The following MAPKAPK2 variants were observed in gnomAD, a reference collection of about 807,000 sequenced individuals.
MAPKAPK2 encodes MAP kinase-activated protein kinase 2.
Under a neutral mutation model 48.8 loss-of-function variants are expected in MAPKAPK2, and 9 were observed. The ratio of observed to expected loss-of-function variants is 0.18; its 90% CI spans 0.11 to 0.32. The LOEUF is 0.32. Among genes scored for constraint, MAPKAPK2 ranks in the 10% least tolerant of loss-of-function variants. MAPKAPK2 has a pLI of 1.00. For synonymous variants in MAPKAPK2, 202 were observed against 190.6 expected (o/e 1.06, Z -0.49); for missense variants, 331 against 498.3 (o/e 0.66, Z 3.20).
chr1:206,724,451 C>G (rs1673642189), intron 1 of MAPKAPK2, among the ~76,000 whole-genome samples: 1 of 152,152 alleles, frequency 6.6e-6, no homozygotes, highest in African/African-American at 2.4e-5. Context: ...GCCAGCCTGC[C>G]TCGCCCATCT....
At chr1:206,720,352 T>TTTTTG (rs549265514) in intron 1 of MAPKAPK2, among the ~76,000 whole-genome samples, 18 of 152,232 alleles carry the variant, frequency 1.2e-4, no homozygotes, top group African/African-American at 2.6e-4. Flanking sequence ...GCCTTTATTG[T>TTTTTG]TTTTGTTTTG....
rs2102366614 is a variant in MAPKAPK2, at chr1:206,685,331, G to C, written c.102G>C (p.Gln34His). 3 of 1,136,952 alleles carry C rather than the reference G, an allele frequency of 2.6e-6. No individual in the cohort carries two copies. Among genetic ancestry groups the C allele is most frequent in the Non-Finnish European group, 3.5e-6 (3 of 865,208 alleles). The allele number at this position is 1,136,952 out of a possible 1,614,324, so 70.4% of individuals were successfully genotyped here. A position where few individuals can be genotyped will look rare whatever the true frequency, so the allele number is the denominator to read the frequency against. ...PTPALPHPPA[Q>H]PPPPPPQQFP... Reference sequence around the variant, plus strand: ...CTGCCCTGCCGCACCCCCCGGCGCAGCCGCCGCCGCCGCCCCCGCAGCAGT... The same window carrying C: ...CTGCCCTGCCGCACCCCCCGGCGCACCCGCCGCCGCCGCCCCCGCAGCAGT... The change falls in exon 1 of 10, where the codon CAG (glutamine) becomes CAC (histidine). Residue 34 changes from glutamine to histidine, a missense_variant. By Grantham distance (24) the Gln-to-His change is conservative (BLOSUM62 0). Coordinates refer to ENST00000367103, the MANE Select transcript of MAPKAPK2 (RefSeq NM_032960.4).
intron 1 of MAPKAPK2, among the ~76,000 whole-genome samples, chr1:206,692,483 G>A (rs1672491974): frequency 6.6e-6 from 1 of 152,226 alleles, no homozygotes; most frequent in Non-Finnish European, 1.5e-5. Context: ...TTTCAGCCCC[G>A]GAGGTTTAGA....
At chr1:206,694,492 G>C (rs1440560047) in intron 1 of MAPKAPK2, among the ~76,000 whole-genome samples, 1 of 152,138 alleles carries the variant, frequency 6.6e-6, no homozygotes, top group African/African-American at 2.4e-5. Flanking sequence ...CCTGTCCTCA[G>C]AATAGCCATA....
chr1:206,703,863 A>G (rs1221744519), intron 1 of MAPKAPK2, among the ~76,000 whole-genome samples: 2 of 152,244 alleles, frequency 1.3e-5, no homozygotes, highest in Admixed American at 1.3e-4. Context: ...GGCCAGGAAC[A>G]GTCAGTGGCT....
At chr1:206,726,524 T>C (rs1414106807) in intron 1 of MAPKAPK2, among the ~76,000 whole-genome samples, 1 of 152,252 alleles carries the variant, frequency 6.6e-6, no homozygotes, top group African/African-American at 2.4e-5. Context: ...CACCTGTTAC[T>C]CCATGGGAGA....
At chr1:206,720,858 G>A (rs1673493789) in intron 1 of MAPKAPK2, among the ~76,000 whole-genome samples, 1 of 152,168 alleles carries the variant, frequency 6.6e-6, no homozygotes, top group African/African-American at 2.4e-5. Context: ...GATGATACCT[G>A]AGAATCTAGT....
At chr1:206,699,076 G>A (rs1326604221) in intron 1 of MAPKAPK2, among the ~76,000 whole-genome samples, 1 of 152,214 alleles carries the variant, frequency 6.6e-6, no homozygotes, top group East Asian at 1.9e-4. Context: ...TAAGTTGTAG[G>A]CCCTGCCTTT....
chr1:206,728,320 A>T (rs1673775479), intron 1 of MAPKAPK2, among the ~76,000 whole-genome samples: 1 of 151,972 alleles, frequency 6.6e-6, no homozygotes, highest in Admixed American at 6.6e-5. Flanking sequence ...TCTTCTCTCT[A>T]GCCCCCTTTC....
chr1:206,717,203 G>A (rs1177209828), intron 1 of MAPKAPK2, among the ~76,000 whole-genome samples: 7 of 152,242 alleles, frequency 4.6e-5, no homozygotes, highest in Admixed American at 4.6e-4. Context: ...TACTAGCCAT[G>A]TGGCCTTGGG....
In MAPKAPK2 at chr1:206,729,056, T is replaced by C; in HGVS notation, c.441T>C (p.Phe147=). ...VMECLDGGEL[F]SRIQDRGDQA... Reference sequence around the variant, plus strand: ...TCAGTTTGGACGGTGGAGAACTCTTTAGCCGAATCCAGGATCGAGGAGACC... The same window carrying C: ...TCAGTTTGGACGGTGGAGAACTCTTCAGCCGAATCCAGGATCGAGGAGACC... The change falls in exon 3 of 10, where the codon TTT becomes TTC. Residue 147 remains phenylalanine, a synonymous_variant. Transcript: ENST00000367103. The C allele has an allele frequency of 1.9e-6, 3 of 1,614,214 alleles. No homozygotes were observed. In the South Asian group the frequency reaches 3.3e-5, roughly 18 times the overall value.
At chr1:206,730,566 C>G (rs1022010181) in intron 5 of MAPKAPK2, 122 bp from the exon 6 acceptor site, 3 of 817,288 alleles carry the variant, frequency 3.7e-6, no homozygotes, top group Non-Finnish European at 6.2e-6. Context: ...CCTTCTGTGC[C>G]CCAACTGCTG....
chr1:206,695,453 T>G (rs1672585682), intron 1 of MAPKAPK2, among the ~76,000 whole-genome samples: 1 of 147,266 alleles, frequency 6.8e-6, no homozygotes, highest in Non-Finnish European at 1.5e-5. Flanking sequence ...CTGATCTGTT[T>G]TTTTTTTTTT....
chr1:206,727,767 G>A (rs1486266085), intron 1 of MAPKAPK2, among the ~76,000 whole-genome samples: 4 of 152,076 alleles, frequency 2.6e-5, no homozygotes, highest in African/African-American at 4.8e-5. Flanking sequence ...GGCTACAGTC[G>A]CCTGCCACCA....
intron 5 of MAPKAPK2, 128 bp from the exon 6 acceptor site, chr1:206,730,560 C>T: frequency 2.6e-6 from 2 of 776,690 alleles, no homozygotes; most frequent in East Asian, 2.6e-5. Context: ...GCTCTTCCTT[C>T]TGTGCCCCAA....
At chr1:206,712,942 G>A (rs1459517136) in intron 1 of MAPKAPK2, among the ~76,000 whole-genome samples, 1 of 116,522 alleles carries the variant, frequency 8.6e-6, no homozygotes, top group African/African-American at 3.3e-5. Flanking sequence ...TTCCAGCCTG[G>A]GCGACAGAAT....
chr1:206,728,682 G>A, intron 1 of MAPKAPK2, 28 bp from the exon 2 acceptor site: 1 of 1,607,780 alleles, frequency 6.2e-7, no homozygotes, highest in Non-Finnish European at 8.5e-7. Context: ...TGACAGCGCA[G>A]TTACTCAGAA....
intron 1 of MAPKAPK2, among the ~76,000 whole-genome samples, chr1:206,720,095 C>T (rs1452327021): frequency 6.6e-6 from 1 of 152,210 alleles, no homozygotes; most frequent in Non-Finnish European, 1.5e-5. Context: ...TCCTGTGTCC[C>T]TCTCTGGCTC....
At chr1:206,685,706 T>C (rs1382342852) in intron 1 of MAPKAPK2, among the ~76,000 whole-genome samples, 198 bp downstream of exon 1, 2 of 149,794 alleles carry the variant, frequency 1.3e-5, no homozygotes, top group Non-Finnish European at 3.0e-5. Context: ...CCTGACCGCT[T>C]CCGGCCGCTC....
Sources: gnomAD v4.1 joint callset for allele counts (sites outside exome capture counted in the v4.1 genomes callset) on GRCh38, gnomAD v4.1.1 for gene constraint, MANE v1.5 for transcripts, NCBI Gene and HGNC (gene_info 2026-07-23, HGNC 2026-07-21) for gene names.